ATG2B: variants seen among roughly 807,000 people sequenced by gnomAD.
The protein encoded by ATG2B is autophagy related 2B.
ATG2B carries 121 observed loss-of-function variants against 241.3 expected under a neutral mutation model. That is an observed-to-expected ratio of 0.50 (90% confidence interval 0.43 to 0.58). The LOEUF (loss-of-function observed/expected upper bound fraction) is 0.58, where lower values mean the gene tolerates loss of function less well. ATG2B is among the 20% of genes least tolerant of loss of function. ATG2B has a pLI of 0.00. For missense variants in ATG2B, 2,306 were observed against 2,491.6 expected (o/e 0.93, Z 1.59); for synonymous variants, 858 against 876.6 (o/e 0.98, Z 0.37).
At chr14:96,352,923 GACTC>G (rs1566736196) in intron 1 of ATG2B, among the ~76,000 whole-genome samples, 1 of 152,160 alleles carries the variant, frequency 6.6e-6, no homozygotes. Flanking sequence ...TTCACTCACT[GACTC>G]ACTCAGAGGA....
rs1470915586 is a variant in ATG2B, at chr14:96,281,605, A to C, written c.*4150T>G. 1 of 152,246 alleles carries C rather than the reference A, an allele frequency of 6.6e-6. No homozygotes were observed. Among genetic ancestry groups the C allele is most frequent in the Non-Finnish European group, 1.5e-5 (1 of 68,042 alleles). 9.4% of individuals were successfully genotyped at this position (152,246 alleles called of 1,614,324 possible). A position where few individuals can be genotyped will look rare whatever the true frequency, so the allele number is the denominator to read the frequency against. ...CAATGCAAGACAAATCCAACTAGAA[A>C]TCGGAAGCTGCCATTTCGTATACAC... On this transcript the variant is annotated 3_prime_UTR_variant, in exon 42 of 42. Coordinates refer to ENST00000359933, the MANE Select transcript of ATG2B (RefSeq NM_018036.7).
chr14:96,304,615 C>CAAA lies in ATG2B; in HGVS notation c.4734-15_4734-13dup, dbSNP rs34674555. On this transcript the variant is annotated splice_polypyrimidine_tract_variant and intron_variant, in intron 31 of 41. Coordinates refer to ENST00000359933, the MANE Select transcript of ATG2B (RefSeq NM_018036.7). Reference sequence around the variant, plus strand: ...AACTGTGGGGACTACTAAAAATGAGCAAAAAAAAAAAAAACCCTTTTGTTA... The same window carrying CAAA: ...AACTGTGGGGACTACTAAAAATGAGCAAAAAAAAAAAAAAAAACCCTTTTGTTA... 1,107 of 1,213,158 alleles carry CAAA rather than the reference C, an allele frequency of 9.1e-4. 1 individual carries two copies. The highest frequency in any genetic ancestry group is 1.1e-3 in the Non-Finnish European group (934 of 885,448). 75.1% of individuals were successfully genotyped at this position (1,213,158 alleles called of 1,614,324 possible).
intron 19 of ATG2B, 52 bp from the exon 20 acceptor site, chr14:96,317,369 C>A: frequency 6.8e-7 from 1 of 1,461,418 alleles, no homozygotes; most frequent in Non-Finnish European, 9.3e-7. Flanking sequence ...AAAACAGCAA[C>A]ATAAAAATGA....
intron 1 of ATG2B, among the ~76,000 whole-genome samples, chr14:96,350,329 GCAAA>G (rs1050280819): frequency 8.5e-5 from 13 of 152,102 alleles, no homozygotes; most frequent in African/African-American, 2.4e-4. Context: ...CTAGAAAAAA[GCAAA>G]CAGAGACATA....
At position 96,343,150 on chromosome 14, in the gene ATG2B, T is replaced by C. The variant is rs199717949; in HGVS notation, c.713A>G (p.Lys238Arg). The stretch of plus-strand genomic sequence containing the variant: ...TGCAGTTGAACACACTGGGGAAGAT[T>C]TGGCTGATGCAGAAAACTCATCCCA... Reference protein sequence around the residue: ...LFWDEFSASAKSSPVCSTAPV... With the variant: ...LFWDEFSASARSSPVCSTAPV... The change falls in exon 5 of 42, where the codon AAA becomes AGA. Residue 238 changes from lysine to arginine, a missense_variant. Lys to Arg is a conservative substitution (Grantham distance 26, BLOSUM62 2). This residue lies in a region of ATG2B where 1,927 missense variants were observed against 2,011.2 expected (regional missense o/e 0.96). Transcript: ENST00000359933. The C allele has an allele frequency of 1.8e-5, 29 of 1,603,242 alleles. No individual in the cohort carries two copies. Among genetic ancestry groups the C allele is most frequent in the Middle Eastern group, 1.7e-4 (1 of 6,030 alleles).
At chr14:96,286,097 T>A in intron 41 of ATG2B, 112 bp from the exon 42 acceptor site, 2 of 731,738 alleles carry the variant, frequency 2.7e-6, no homozygotes, top group Admixed American at 2.9e-5. Flanking sequence ...ATTATGTTTG[T>A]AACCAGACAA....
chr14:96,357,238 C>G (rs747447484), intron 1 of ATG2B, among the ~76,000 whole-genome samples: 1 of 152,154 alleles, frequency 6.6e-6, no homozygotes, highest in Non-Finnish European at 1.5e-5. Context: ...TAACACTTCA[C>G]TCTCTCAATC....
chr14:96,289,994 A>C lies in ATG2B; in HGVS notation c.5857-189T>G. On this transcript the variant is annotated intron_variant, in intron 40 of 41. Transcript: ENST00000359933. This position sits in a 1 kb window ranked among gnomAD's most constrained non-coding sequence, Gnocchi z 4.3. ...TTTTATAACGAGAACATAAAAGTAT[A>C]AATTAATAACTAACACCTGGATTGA... 1.1e-6 allele frequency: 1 copy of C among 874,138 alleles called. No homozygotes were observed. The highest frequency in any genetic ancestry group is 1.9e-5 in the South Asian group (1 of 51,706). 54.1% of individuals were successfully genotyped at this position (874,138 alleles called of 1,614,324 possible).
At chr14:96,308,288 T>A (rs1479707531) in intron 29 of ATG2B, among the ~76,000 whole-genome samples, 9 of 54,558 alleles carry the variant, frequency 1.6e-4, no homozygotes, top group Admixed American at 7.7e-4. Context: ...ATATATTTTT[T>A]TTTTTTTTTT....
chr14:96,299,009 CACTATG>C (rs1886719147), intron 34 of ATG2B, among the ~76,000 whole-genome samples: 1 of 151,756 alleles, frequency 6.6e-6, no homozygotes, highest in Non-Finnish European at 1.5e-5. Flanking sequence ...ATTAATACTG[CACTATG>C]ACTTACAGTG....
intron 4 of ATG2B, 120 bp from the exon 5 acceptor site, chr14:96,343,401 T>TATA (rs756442046): frequency 1.7e-4 from 52 of 302,856 alleles, no homozygotes; most frequent in African/African-American, 1.0e-3. Context: ...AAACTTAAAG[T>TATA]ATAATAATAA....
intron 8 of ATG2B, among the ~76,000 whole-genome samples, chr14:96,333,150 TTTC>T (rs1887784235): frequency 6.6e-6 from 1 of 152,132 alleles, no homozygotes; most frequent in Non-Finnish European, 1.5e-5. Flanking sequence ...TAGGGTTTGA[TTTC>T]TTATTTTGTC....
chr14:96,289,428 G>T lies in ATG2B; in HGVS notation c.6006+228C>A. ...CTGAGTGCTTCTGCAGGTGAAGAGAGAGAATCCATCCACCCACGCAATCAC... is the reference window on the plus strand; with the variant it reads ...CTGAGTGCTTCTGCAGGTGAAGAGATAGAATCCATCCACCCACGCAATCAC... On this transcript the variant is annotated intron_variant, in intron 41 of 41. Transcript: ENST00000359933. The surrounding 1 kb of genome is among the most constrained non-coding windows in gnomAD (Gnocchi z 4.3). 2.3e-6 allele frequency: 1 copy of T among 435,666 alleles called. No homozygotes were observed. Among genetic ancestry groups the T allele is most frequent in the Non-Finnish European group, 4.1e-6 (1 of 242,016 alleles). 27.0% of individuals were successfully genotyped at this position (435,666 alleles called of 1,614,324 possible).
chr14:96,286,914 T>C (rs926319902), intron 41 of ATG2B, among the ~76,000 whole-genome samples: 11 of 152,094 alleles, frequency 7.2e-5, no homozygotes, highest in African/African-American at 2.7e-4. Flanking sequence ...GAGCGTCCTA[T>C]CTACCCAGTA....
intron 33 of ATG2B, 99 bp from the exon 34 acceptor site, chr14:96,302,207 C>A (rs61985181): frequency 4.2e-6 from 3 of 715,034 alleles, no homozygotes; most frequent in Non-Finnish European, 4.6e-6. Flanking sequence ...TATTCCTATA[C>A]CATATGAGAA....
intron 26 of ATG2B, 51 bp downstream of exon 26, chr14:96,312,038 G>T: frequency 7.6e-7 from 1 of 1,319,042 alleles, no homozygotes; most frequent in Non-Finnish European, 1.1e-6. Flanking sequence ...AATTATTTAC[G>T]CACAAAAATA....
chr14:96,355,574 T>C (rs1888450877), intron 1 of ATG2B, among the ~76,000 whole-genome samples: 1 of 152,102 alleles, frequency 6.6e-6, no homozygotes, highest in African/African-American at 2.4e-5. Context: ...CTCCACAGAG[T>C]TACTGTGACC....
Position 96,298,252 on chromosome 14 carries a change from A to G in ATG2B, c.5140-2692T>C, listed in dbSNP as rs904420448. 2.0e-5 allele frequency among the ~76,000 whole-genome samples: 3 copies of G among 152,246 alleles called. 1 individual carries two copies. The South Asian group carries it at 6.2e-4, about 32-fold the overall frequency. On this transcript the variant is annotated intron_variant, in intron 34 of 41. Coordinates refer to ENST00000359933, the MANE Select transcript of ATG2B (RefSeq NM_018036.7). ...ACAGTGTACACAAAGCATCCCAGCT[A>G]AAATTTTAAGAACGACAATACCAAG...
chr14:96,324,445 G>A (rs191983151), intron 15 of ATG2B, among the ~76,000 whole-genome samples: 123 of 152,318 alleles, frequency 8.1e-4, no homozygotes, highest in Non-Finnish European at 1.6e-3. Context: ...CAGCATTTGG[G>A]AGGCTGAGGC....
Sources: gnomAD v4.1 joint callset for allele counts (sites outside exome capture counted in the v4.1 genomes callset) on GRCh38, gnomAD v4.1.1 for gene constraint, gnomAD v4.1.1 regional missense constraint, Gnocchi (gnomAD v3.1) non-coding constraint, MANE v1.5 for transcripts, NCBI Gene and HGNC (gene_info 2026-07-23, HGNC 2026-07-21) for gene names.